Variants in IGF2BP3 observed in about 807,000 individuals in gnomAD.
IGF2BP3 encodes insulin like growth factor 2 mRNA binding protein 3, also known as insulin-like growth factor 2 mRNA-binding protein 3.
A neutral mutation model predicts 73.8 loss-of-function variants in IGF2BP3; 9 were observed. That is an observed-to-expected ratio of 0.12 (90% confidence interval 0.07 to 0.21). IGF2BP3 has a LOEUF of 0.21. Among genes scored for constraint, IGF2BP3 ranks in the 10% least tolerant of loss-of-function variants. IGF2BP3 has a pLI of 1.00. For synonymous variants in IGF2BP3, 258 were observed against 256.7 expected, an observed-to-expected ratio of 1.01 and a Z score of -0.05; for missense variants, 542 against 714.0, an observed-to-expected ratio of 0.76 and a Z score of 2.75.
At chr7:23,438,004 T>C (rs1787844921) in intron 2 of IGF2BP3, among the ~76,000 whole-genome samples, 1 of 152,246 alleles carries the variant, frequency 6.6e-6, no homozygotes, top group African/African-American at 2.4e-5. Flanking sequence ...TGAATACTAT[T>C]TGGCTTCTGT....
At chr7:23,433,311 G>A (rs943352369) in intron 2 of IGF2BP3, among the ~76,000 whole-genome samples, 2 of 151,900 alleles carry the variant, frequency 1.3e-5, no homozygotes, top group South Asian at 2.1e-4. Flanking sequence ...GTCCAATAAA[G>A]AAGCCACTAG....
chr7:23,321,793 G>A (rs893336418), intron 10 of IGF2BP3, among the ~76,000 whole-genome samples: 2 of 152,280 alleles, frequency 1.3e-5, no homozygotes, highest in South Asian at 4.1e-4. Flanking sequence ...TAACTGGGAG[G>A]CACCCCCCAG....
intron 10 of IGF2BP3, among the ~76,000 whole-genome samples, chr7:23,335,375 C>A (rs747924321): frequency 6.6e-5 from 10 of 151,942 alleles, no homozygotes; most frequent in Non-Finnish European, 1.2e-4. Context: ...CTTGACCTCC[C>A]TGGGCTCAGG....
At chr7:23,459,304 G>A (rs889641642) in intron 2 of IGF2BP3, among the ~76,000 whole-genome samples, 2 of 152,076 alleles carry the variant, frequency 1.3e-5, no homozygotes, top group Admixed American at 6.6e-5. Flanking sequence ...CTTTACCAAG[G>A]ACCAGATTTT....
chr7:23,320,678 T>C lies in IGF2BP3; in HGVS notation c.1204-1424A>G, dbSNP rs529452901. On this transcript the variant is annotated intron_variant, in intron 10 of 14. Coordinates refer to ENST00000258729, the MANE Select transcript of IGF2BP3 (RefSeq NM_006547.3). ...AAAAAAAAAAAAAAGCCAGGCACAG[T>C]AGTTCATGCCTGTAATCCCAGCACT... is the stretch of plus-strand genomic sequence containing the variant. 2.2e-5 allele frequency among the ~76,000 whole-genome samples: 3 copies of C among 138,194 alleles called. No individual in the cohort carries two copies. The East Asian group carries it at 6.4e-4, about 29-fold the overall frequency. 90.7% of individuals were successfully genotyped at this position (138,194 alleles called of 152,430 possible).
intron 3 of IGF2BP3, among the ~76,000 whole-genome samples, chr7:23,397,897 T>C (rs903045679): frequency 2.8e-4 from 43 of 152,182 alleles, no homozygotes; most frequent in African/African-American, 1.0e-3. Context: ...GGAGATATTA[T>C]ATGGGATTAC....
In IGF2BP3 at chr7:23,373,644, C is replaced by T. The variant is rs544475145; in HGVS notation, c.286-11903G>A. On this transcript the variant is annotated intron_variant, in intron 3 of 14. Coordinates refer to ENST00000258729, the MANE Select transcript of IGF2BP3 (RefSeq NM_006547.3). ...GCTATGAAAAACAGTACAGCAGTTCCTCAAAAAAAATTAAAAATAGACCTA... is the reference window on the plus strand; with the variant it reads ...GCTATGAAAAACAGTACAGCAGTTCTTCAAAAAAAATTAAAAATAGACCTA... Among the ~76,000 whole-genome samples, 21 of 152,218 alleles carry T rather than the reference C, an allele frequency of 1.4e-4. No individual in the cohort carries two copies. In the South Asian group the frequency reaches 3.9e-3, roughly 29 times the overall value.
intron 6 of IGF2BP3, 37 bp downstream of exon 6, chr7:23,351,268 T>G: frequency 6.2e-7 from 1 of 1,607,138 alleles, no homozygotes; most frequent in Non-Finnish European, 8.5e-7. Context: ...CCAAGGGGAA[T>G]TCTCATGAAC....
At chr7:23,341,097 G>T (rs1021952411) in intron 10 of IGF2BP3, among the ~76,000 whole-genome samples, 3 of 151,922 alleles carry the variant, frequency 2.0e-5, no homozygotes, top group Non-Finnish European at 4.4e-5. Context: ...TGATCCTCCC[G>T]CCTCGGCCTC....
At chr7:23,321,809 G>A (rs966500841) in intron 10 of IGF2BP3, among the ~76,000 whole-genome samples, 11 of 152,168 alleles carry the variant, frequency 7.2e-5, no homozygotes, top group South Asian at 2.1e-4. Context: ...CCCAGCAGGG[G>A]CACACTGACA....
intron 3 of IGF2BP3, among the ~76,000 whole-genome samples, chr7:23,406,712 A>C (rs1485018319): frequency 6.6e-6 from 1 of 151,988 alleles, no homozygotes; most frequent in Non-Finnish European, 1.5e-5. Context: ...TTATTCCCTT[A>C]TTTGGCCCCA....
intron 2 of IGF2BP3, among the ~76,000 whole-genome samples, chr7:23,439,666 T>C (rs1172477832): frequency 6.6e-6 from 1 of 151,898 alleles, no homozygotes; most frequent in Non-Finnish European, 1.5e-5. Flanking sequence ...ACTACCCCTA[T>C]GAGTTTAACA....
intron 3 of IGF2BP3, among the ~76,000 whole-genome samples, chr7:23,415,887 A>T (rs559539507): frequency 1.3e-5 from 2 of 152,312 alleles, no homozygotes; most frequent in Admixed American, 6.5e-5. Context: ...CGAGTATGTT[A>T]TCTGTGCTCC....
At chr7:23,319,032 C>T in intron 11 of IGF2BP3, 106 bp downstream of exon 11, 1 of 769,434 alleles carries the variant, frequency 1.3e-6, no homozygotes, top group South Asian at 1.7e-5. Context: ...CTTATGTAAC[C>T]CTAACAGTGT....
chr7:23,332,495 A>C (rs1332445916), intron 10 of IGF2BP3, among the ~76,000 whole-genome samples: 2 of 152,270 alleles, frequency 1.3e-5, no homozygotes, highest in Non-Finnish European at 1.5e-5. Context: ...GAACACATAC[A>C]TCAGAAGAAG....
At chr7:23,332,445 A>G (rs1300605082) in intron 10 of IGF2BP3, among the ~76,000 whole-genome samples, 1 of 152,248 alleles carries the variant, frequency 6.6e-6, no homozygotes, top group Non-Finnish European at 1.5e-5. Flanking sequence ...TATAGCTGTT[A>G]GCTAAATGAA....
chr7:23,321,981 A>T (rs1184908891), intron 10 of IGF2BP3, among the ~76,000 whole-genome samples: 1 of 152,230 alleles, frequency 6.6e-6, no homozygotes, highest in Non-Finnish European at 1.5e-5. Context: ...GAAAAAACAG[A>T]GCAAAAAAAC....
chr7:23,440,657 C>T (rs1416475745), intron 2 of IGF2BP3, among the ~76,000 whole-genome samples: 1 of 152,160 alleles, frequency 6.6e-6, no homozygotes, highest in Non-Finnish European at 1.5e-5. Flanking sequence ...TAAGCTATCC[C>T]GACATACTGT....
intron 2 of IGF2BP3, among the ~76,000 whole-genome samples, chr7:23,437,737 GA>G (rs1212231968): frequency 6.6e-6 from 1 of 152,108 alleles, no homozygotes; most frequent in African/African-American, 2.4e-5. Flanking sequence ...CAAACTTTAA[GA>G]TTTCACCAAT....
Sources: gnomAD v4.1 joint callset for allele counts (sites outside exome capture counted in the v4.1 genomes callset) on GRCh38, gnomAD v4.1.1 for gene constraint, MANE v1.5 for transcripts, NCBI Gene and HGNC (gene_info 2026-07-23, HGNC 2026-07-21) for gene names.